The following PIK3C2G variants were observed in gnomAD, a reference collection of about 807,000 sequenced individuals.
The protein encoded by PIK3C2G is phosphatidylinositol 3-kinase C2 domain-containing subunit gamma.
Under a neutral mutation model 181.1 loss-of-function variants are expected in PIK3C2G, and 168 were observed. The ratio of observed to expected loss-of-function variants is 0.93; its 90% CI spans 0.82 to 1.05. PIK3C2G has a LOEUF of 1.05. Among genes scored for constraint, PIK3C2G ranks in the 50% least tolerant of loss-of-function variants. PIK3C2G has a pLI of 0.00. For missense variants in PIK3C2G, 1,869 were observed against 1,732.8 expected, an observed-to-expected ratio of 1.08 and a Z score of -1.40; for synonymous variants, 573 against 592.2, an observed-to-expected ratio of 0.97 and a Z score of 0.47.
chr12:18,285,352 A>G (rs1949397928), intron 2 of PIK3C2G: 1 of 152,146 alleles, frequency 6.6e-6, no homozygotes, highest in Non-Finnish European at 1.5e-5. Context: ...GCACATGAGA[A>G]ATGCCAAATT....
Position 18,623,891 on chromosome 12 carries a change from A to G in PIK3C2G, c.4182+14262A>G, listed in dbSNP as rs563442612. On this transcript the variant is annotated intron_variant, in intron 31 of 32. Coordinates refer to ENST00000538779, the MANE Select transcript of PIK3C2G (RefSeq NM_001288772.2). ...TTTTTACATGTTGATTTTGTACCCT[A>G]CAACTTCGCTGAATTCATTTATCAG... 4.0e-5 allele frequency among the ~76,000 whole-genome samples: 6 copies of G among 151,880 alleles called. No homozygotes were observed. In the East Asian group the frequency reaches 9.7e-4, roughly 24 times the overall value.
chr12:18,287,545 T>C (rs1005908966), intron 3 of PIK3C2G, among the ~76,000 whole-genome samples: 1 of 152,186 alleles, frequency 6.6e-6, no homozygotes, highest in African/African-American at 2.4e-5. Context: ...TGCTAGGGTT[T>C]CTGAAAGTTT....
intron 16 of PIK3C2G, among the ~76,000 whole-genome samples, chr12:18,414,373 A>G (rs1242995718): frequency 6.6e-6 from 1 of 152,148 alleles, no homozygotes; most frequent in Non-Finnish European, 1.5e-5. Context: ...AAAGTAATCT[A>G]TGACACCTCC....
chr12:18,300,006 C>G (rs1950109092), intron 5 of PIK3C2G, among the ~76,000 whole-genome samples: 1 of 151,734 alleles, frequency 6.6e-6, no homozygotes, highest in Admixed American at 6.6e-5. Flanking sequence ...TTTGTGGTGG[C>G]TTTGTCTGGT....
At chr12:18,679,969 T>A in the PIK3C2G span, among the ~76,000 whole-genome samples, 2 of 152,026 alleles carry the variant, frequency 1.3e-5, no homozygotes, top group African/African-American at 4.8e-5. Context: ...TTCCAGTGGC[T>A]GGTAGAAGTA....
chr12:18,612,623 A>G (rs949887799), intron 31 of PIK3C2G, among the ~76,000 whole-genome samples: 3 of 152,122 alleles, frequency 2.0e-5, no homozygotes, highest in South Asian at 2.1e-4. Flanking sequence ...ACTTTCTACT[A>G]TAAATGACAT....
the PIK3C2G span, chr12:18,688,088 C>G: frequency 3.7e-6 from 6 of 1,610,382 alleles, no homozygotes; most frequent in African/African-American, 8.0e-5. Context: ...CAGGAGCTCA[C>G]CATTTTTTTT....
At chr12:18,562,003 GA>G (rs1370248403) in intron 26 of PIK3C2G, among the ~76,000 whole-genome samples, 3 of 152,158 alleles carry the variant, frequency 2.0e-5, no homozygotes, top group Non-Finnish European at 4.4e-5. Context: ...GAATAGGGTA[GA>G]AAGTATGGGA....
chr12:18,704,211 A>AC, the PIK3C2G span, among the ~76,000 whole-genome samples: 1 of 152,220 alleles, frequency 6.6e-6, no homozygotes, highest in Non-Finnish European at 1.5e-5. Flanking sequence ...CAGTAAGAAA[A>AC]TCTTTGATGA....
At chr12:18,406,466 T>C (rs542251359) in intron 16 of PIK3C2G, among the ~76,000 whole-genome samples, 18 of 152,240 alleles carry the variant, frequency 1.2e-4, no homozygotes, top group Non-Finnish European at 1.2e-4. Flanking sequence ...TAAAAAGGAA[T>C]AGGGAGATAT....
intron 19 of PIK3C2G, among the ~76,000 whole-genome samples, chr12:18,488,989 G>A (rs895155563): frequency 1.3e-5 from 2 of 152,008 alleles, no homozygotes; most frequent in African/African-American, 4.8e-5. Flanking sequence ...CGTTTTTGTC[G>A]TTGCTCAGCA....
At chr12:18,559,821 T>TATATATAGAGAG (rs1945244509) in intron 26 of PIK3C2G, among the ~76,000 whole-genome samples, 3 of 18,372 alleles carry the variant, frequency 1.6e-4, no homozygotes, top group Non-Finnish European at 2.9e-4. Flanking sequence ...TATATATATA[T>TATATATAGAGAG]AGAGAGAGAG....
chr12:18,298,337 G>C (rs774458776), intron 5 of PIK3C2G, among the ~76,000 whole-genome samples: 41 of 149,872 alleles, frequency 2.7e-4, no homozygotes, highest in Non-Finnish European at 4.0e-4. Context: ...TTTGAGAAAG[G>C]TCTATTCAGA....
At chr12:18,292,867 C>A (rs976389887) in intron 4 of PIK3C2G, among the ~76,000 whole-genome samples, 5 of 152,080 alleles carry the variant, frequency 3.3e-5, no homozygotes, top group Admixed American at 6.6e-5. Flanking sequence ...TAGAGAACAA[C>A]CAACTGTGGA....
intron 18 of PIK3C2G, among the ~76,000 whole-genome samples, chr12:18,429,880 C>T (rs1378497544): frequency 6.6e-6 from 1 of 152,176 alleles, no homozygotes; most frequent in Non-Finnish European, 1.5e-5. Flanking sequence ...CAAAATACGG[C>T]CCCTTCTCTG....
At chr12:18,636,445 G>A (rs1291522716) in intron 31 of PIK3C2G, among the ~76,000 whole-genome samples, 10 of 152,068 alleles carry the variant, frequency 6.6e-5, no homozygotes, top group African/African-American at 2.2e-4. Flanking sequence ...TGGTCAGGCT[G>A]GTCTCGAACT....
chr12:18,470,110 G>A (rs546477672), intron 18 of PIK3C2G, among the ~76,000 whole-genome samples: 4 of 152,102 alleles, frequency 2.6e-5, no homozygotes, highest in African/African-American at 9.6e-5. Flanking sequence ...GTGGGTGATA[G>A]ACTGCCAATT....
chr12:18,482,375 A>G (rs1321193969), intron 18 of PIK3C2G, among the ~76,000 whole-genome samples: 3 of 151,986 alleles, frequency 2.0e-5, no homozygotes, highest in Non-Finnish European at 4.4e-5. Context: ...ATTCTCCACC[A>G]AGGCCCACTG....
At chr12:18,663,904 T>C in the PIK3C2G span, among the ~76,000 whole-genome samples, 1 of 152,076 alleles carries the variant, frequency 6.6e-6, no homozygotes, top group Non-Finnish European at 1.5e-5. Flanking sequence ...CAATAACCAA[T>C]AGCCAAACAA....
Sources: gnomAD v4.1 joint callset for allele counts (sites outside exome capture counted in the v4.1 genomes callset) on GRCh38, gnomAD v4.1.1 for gene constraint, MANE v1.5 for transcripts, NCBI Gene and HGNC (gene_info 2026-07-23, HGNC 2026-07-21) for gene names.